The following ANXA2 variants were observed in gnomAD, a reference collection of about 807,000 sequenced individuals.
ANXA2 encodes annexin II.
A neutral mutation model predicts 47.3 loss-of-function variants in ANXA2; 28 were observed. That is an observed-to-expected ratio of 0.59 (90% CI 0.44 to 0.81). The LOEUF (loss-of-function observed/expected upper bound fraction) is 0.81, where lower values mean the gene tolerates loss of function less well. Ranked by LOEUF, ANXA2 falls within the 40% of genes least tolerant of loss-of-function variation. The pLI is 0.00. For synonymous variants in ANXA2, 172 were observed against 155.5 expected (o/e 1.11, Z -0.79); for missense variants, 384 against 414.3 (o/e 0.93, Z 0.64).
chr15:60,368,316 A>T lies in ANXA2; in HGVS notation c.149-3793T>A, dbSNP rs4502154. The stretch of plus-strand genomic sequence containing the variant: ...CACCCAAGAATGATCAATAAAAAAA[A>T]AAAATAAAATAAAATAAAATAAAAT... On this transcript the variant is annotated intron_variant, in intron 3 of 12. Coordinates refer to ENST00000451270, the MANE Select transcript of ANXA2 (RefSeq NM_004039.3). 6.7e-4 allele frequency among the ~76,000 whole-genome samples: 76 copies of T among 114,004 alleles called. No individual in the cohort carries two copies. In the East Asian group the frequency reaches 6.9e-3, roughly 10 times the overall value. The allele number at this position is 114,004 out of a possible 152,430, so 74.8% of individuals were successfully genotyped here.
At chr15:60,362,876 C>T (rs1206627035) in intron 4 of ANXA2, 1 of 151,820 alleles carries the variant, frequency 6.6e-6, no homozygotes, top group Non-Finnish European at 1.5e-5. Flanking sequence ...TAATCTAAAA[C>T]CAAGATCTAG....
At chr15:60,392,191 C>A (rs575864460) in intron 1 of ANXA2, among the ~76,000 whole-genome samples, 1 of 152,280 alleles carries the variant, frequency 6.6e-6, no homozygotes, top group Non-Finnish European at 1.5e-5. Flanking sequence ...CTTGAAAAGG[C>A]TGATAAATGA....
At chr15:60,390,989 G>A (rs950625854) in intron 1 of ANXA2, 1 of 152,526 alleles carries the variant, frequency 6.6e-6, no homozygotes, top group Non-Finnish European at 1.5e-5. Flanking sequence ...ACAAACACTG[G>A]TAATACGCAA....
Position 60,386,031 on chromosome 15 carries a change from A to G in ANXA2, c.45T>C (p.Gly15=). 1 of 1,610,448 alleles carries G rather than the reference A, an allele frequency of 6.2e-7. No homozygotes were observed. The highest frequency in any genetic ancestry group is 1.1e-5 in the South Asian group (1 of 90,454). ...HEILCKLSLE[G]DHSTPPSAYG... Reference sequence around the variant, plus strand: ...AAAGTGAAAGTGATATACTTACATCACCCTCCAAGCTGAGCTTGCACAGGA... The same window carrying G: ...AAAGTGAAAGTGATATACTTACATCGCCCTCCAAGCTGAGCTTGCACAGGA... The change falls in exon 2 of 13, where the codon GGT becomes GGC. Residue 15 remains glycine (G), a synonymous_variant. Coordinates refer to ENST00000451270, the MANE Select transcript of ANXA2 (RefSeq NM_004039.3).
At position 60,382,353 on chromosome 15, in the gene ANXA2, A is replaced by G. The variant is rs1373545322; in HGVS notation, c.137T>C (p.Ile46Thr). ...AATGTATCACCTACCTTTGGTCTTG[A>G]TGGCTGTTTCAATGTTCAAAGCATC... ...ERDALNIETA[I>T]KTKGVDEVTI... is the part of the protein sequence containing the mutation. The change falls in exon 3 of 13, where the codon ATC (isoleucine) becomes ACC (threonine). Residue 46 changes from isoleucine to threonine, a missense_variant. Ile to Thr is a moderately conservative substitution (Grantham distance 89, BLOSUM62 -1). Coordinates refer to ENST00000451270, the MANE Select transcript of ANXA2 (RefSeq NM_004039.3). 6.2e-7 allele frequency: 1 copy of G among 1,613,524 alleles called. No homozygotes were observed. The highest frequency in any genetic ancestry group is 8.5e-7 in the Non-Finnish European group (1 of 1,179,508).
chr15:60,397,390 G>A (rs72746635), intron 1 of ANXA2: 36,969 of 897,364 alleles, frequency 0.041, 871 homozygotes, highest in Non-Finnish European at 0.045. Context: ...ATGGGGGGCT[G>A]AGGGGTGCCT....
intron 3 of ANXA2, 78 bp downstream of exon 3, chr15:60,382,264 G>A (rs891837729): frequency 8.1e-6 from 9 of 1,113,212 alleles, no homozygotes; most frequent in Middle Eastern, 2.0e-4. Flanking sequence ...AACGTATGGC[G>A]ATTTGAGGGA....
chr15:60,382,267 T>C, intron 3 of ANXA2, 75 bp downstream of exon 3: 1 of 1,154,426 alleles, frequency 8.7e-7, no homozygotes, highest in African/African-American at 1.5e-5. Flanking sequence ...GTATGGCGAT[T>C]TGAGGGAGAA....
chr15:60,384,993 A>G (rs1288786435), intron 2 of ANXA2, among the ~76,000 whole-genome samples: 1 of 152,270 alleles, frequency 6.6e-6, no homozygotes, highest in Non-Finnish European at 1.5e-5. Flanking sequence ...TTACATATTC[A>G]TAATTTATAT....
At chr15:60,382,045 AAGGGAGGGG>A (rs1217185343) in intron 3 of ANXA2, among the ~76,000 whole-genome samples, 5 of 105,508 alleles carry the variant, frequency 4.7e-5, no homozygotes, top group Admixed American at 1.1e-4. Context: ...GAAAGGAAAG[AAGGGAGGGG>A]AGGGAGGGAG....
At chr15:60,382,316 AAGAAG>A in intron 3 of ANXA2, 21 bp downstream of exon 3, 1 of 1,576,760 alleles carries the variant, frequency 6.3e-7, no homozygotes, top group Non-Finnish European at 8.7e-7. Context: ...AGACCCTGAC[AAGAAG>A]AGGACAAATG....
intron 5 of ANXA2, among the ~76,000 whole-genome samples, chr15:60,358,925 A>G (rs776865420): frequency 2.0e-5 from 3 of 152,152 alleles, no homozygotes; most frequent in Non-Finnish European, 4.4e-5. Flanking sequence ...GAGAATTCCA[A>G]TAGTGTTTTT....
chr15:60,354,167 T>G lies in ANXA2; in HGVS notation c.575A>C (p.Asp192Ala). ...CTCAGCACTTACCCGAGCATCTTGG[T>G]CAATCAGTTCATAATCAATGACAGA... The part of the protein sequence containing the change: ...DGSVIDYELI[D>A]QDARDLYDAG... Residue 192 changes from aspartate to alanine, a missense_variant, in exon 8 of 13, where the codon GAC (aspartate) becomes GCC (alanine). Asp to Ala is a moderately radical substitution (Grantham distance 126). Coordinates refer to ENST00000451270, the MANE Select transcript of ANXA2 (RefSeq NM_004039.3). 1.9e-6 allele frequency: 3 copies of G among 1,613,866 alleles called. No individual in the cohort carries two copies. The highest frequency in any genetic ancestry group is 2.5e-6 in the Non-Finnish European group (3 of 1,179,850).
chr15:60,379,354 A>G (rs998313250), intron 3 of ANXA2, among the ~76,000 whole-genome samples: 7 of 152,026 alleles, frequency 4.6e-5, no homozygotes, highest in South Asian at 2.1e-4. Context: ...AGTCTGGGGG[A>G]AAAAAAAGGA....
At position 60,382,388 on chromosome 15, in the gene ANXA2, A is replaced by G. The variant is rs1331621425; in HGVS notation, c.102T>C (p.Asp34=). 6.2e-6 allele frequency: 10 copies of G among 1,614,074 alleles called. No individual in the cohort carries two copies. Among genetic ancestry groups the G allele is most frequent in the Non-Finnish European group, 7.6e-6 (9 of 1,179,922 alleles). The change falls in exon 3 of 13, where the codon GAT becomes GAC. Residue 34 remains aspartate (D), a synonymous_variant. Transcript: ENST00000451270. ...YGSVKAYTNF[D]AERDALNIET... ...CAATGTTCAAAGCATCCCGCTCAGC[A>G]TCAAAGTTAGTATAGGCTTTGACAG...
intron 4 of ANXA2, 135 bp downstream of exon 4, chr15:60,364,291 TAAG>T: frequency 2.8e-6 from 2 of 724,292 alleles, no homozygotes; most frequent in South Asian, 1.6e-5. Context: ...TACAAGGATT[TAAG>T]AAGAAAATCT....
chr15:60,363,906 T>G (rs1013571173), intron 4 of ANXA2, among the ~76,000 whole-genome samples: 10 of 152,320 alleles, frequency 6.6e-5, no homozygotes, highest in African/African-American at 2.2e-4. Flanking sequence ...TGAAATGAGT[T>G]GCTACATGTA....
intron 10 of ANXA2, 128 bp from the exon 11 acceptor site, chr15:60,351,379 T>C: frequency 1.1e-6 from 1 of 894,412 alleles, no homozygotes; most frequent in Admixed American, 2.2e-5. Flanking sequence ...GGCTGCAAAA[T>C]AGGACAGGCT....
At chr15:60,393,548 C>A (rs2063042261) in intron 1 of ANXA2, 1 of 985,550 alleles carries the variant, frequency 1.0e-6, no homozygotes, top group African/African-American at 1.7e-5. Flanking sequence ...ACGCATCCTG[C>A]ACAGAAGAGT....
Sources: allele counts gnomAD v4.1 joint callset (sites outside exome capture counted in the v4.1 genomes callset), GRCh38; gene constraint gnomAD v4.1.1; transcripts MANE v1.5; gene names NCBI Gene and HGNC (gene_info 2026-07-23, HGNC 2026-07-21).